The following PHKA2 variants were observed in gnomAD, a reference collection of about 807,000 sequenced individuals.
PHKA2 encodes the protein phosphorylase b kinase regulatory subunit alpha, liver isoform.
In PHKA2, 31 loss-of-function variants were observed where a neutral mutation model predicts 102.0. The observed-to-expected ratio is 0.30, with a 90% CI of 0.23 to 0.41. The LOEUF is 0.41. PHKA2 is among the 10% of genes least tolerant of loss of function. The pLI is 1.00. For missense variants in PHKA2, 858 were observed against 1,023.1 expected, an observed-to-expected ratio of 0.84 and a Z score of 2.20; for synonymous variants, 455 against 416.2, an observed-to-expected ratio of 1.09 and a Z score of -1.13.
At chrX:18,905,523 C>T (rs993394649) in intron 26 of PHKA2, among the ~76,000 whole-genome samples, 7 of 110,648 alleles carry the variant, frequency 6.3e-5, no homozygotes, top group African/African-American at 9.9e-5. Context: ...CTACAGGAGG[C>T]GGTATACCAC....
Position 18,938,763 on chromosome X carries a change from A to T in PHKA2, c.919-14T>A, listed in dbSNP as rs1262406571. 8.3e-7 allele frequency: 1 copy of T among 1,198,304 alleles called. No homozygotes were observed. The highest frequency in any genetic ancestry group is 1.8e-5 in the South Asian group (1 of 56,730). On this transcript the variant is annotated splice_polypyrimidine_tract_variant and intron_variant, in intron 9 of 32. Transcript: ENST00000379942. ...TCGATTAGGGTCCTAGAATCAAATA[A>T]GTCAAACTTTTAAAAGGTGATGTCA...
At chrX:18,973,996 G>A (rs763956072) in intron 1 of PHKA2, among the ~76,000 whole-genome samples, 2 of 110,553 alleles carry the variant, frequency 1.8e-5, no homozygotes, top group Non-Finnish European at 3.8e-5. Context: ...TTCATATTTC[G>A]CTGAGAAGGC....
intron 26 of PHKA2, among the ~76,000 whole-genome samples, chrX:18,903,966 A>G (rs1292792396): frequency 8.9e-6 from 1 of 111,818 alleles, no homozygotes; most frequent in South Asian, 3.7e-4. Flanking sequence ...GGCCACCTGC[A>G]CCGCACTGGG....
Position 18,929,982 on chromosome X carries a change from A to C in PHKA2, c.1246-676T>G, listed in dbSNP as rs182124028. Among the ~76,000 whole-genome samples the C allele has an allele frequency of 6.0e-3, 671 of 112,549 alleles. 5 individuals are homozygous for C. Among genetic ancestry groups the C allele is most frequent in the African/African-American group, 0.021 (638 of 31,006 alleles). ...CACACTCAGAAGGAAAGAGCGCTGCACAGAAAGGCCTCGCTGGGTTTCCCC... is the reference window on the plus strand; with the variant it reads ...CACACTCAGAAGGAAAGAGCGCTGCCCAGAAAGGCCTCGCTGGGTTTCCCC... On this transcript the variant is annotated intron_variant, in intron 12 of 32. Coordinates refer to ENST00000379942, the MANE Select transcript of PHKA2 (RefSeq NM_000292.3).
At position 18,894,188 on chromosome X, in the gene PHKA2, T is replaced by G. The variant is rs1332139717; in HGVS notation, c.3537+16A>C. On this transcript the variant is annotated intron_variant, in intron 32 of 32. Coordinates refer to ENST00000379942, the MANE Select transcript of PHKA2 (RefSeq NM_000292.3). Reference sequence around the variant, plus strand: ...AGAGATAAATGCCAGCCAACCCAGCTCCCTGGCACCCCCACCTGGTCCTGC... The same window carrying G: ...AGAGATAAATGCCAGCCAACCCAGCGCCCTGGCACCCCCACCTGGTCCTGC... The G allele has an allele frequency of 3.3e-6, 4 of 1,203,527 alleles. No homozygotes were observed. In the African/African-American group the frequency reaches 6.9e-5, roughly 21 times the overall value.
chrX:18,897,385 G>A (rs758838867), intron 29 of PHKA2, 52 bp from the exon 30 acceptor site: 4 of 1,141,712 alleles, frequency 3.5e-6, no homozygotes, highest in South Asian at 3.8e-5. Flanking sequence ...GGTGCCCCAG[G>A]GAAAGTGCGC....
At chrX:18,974,908 T>G (rs954916104) in intron 1 of PHKA2, among the ~76,000 whole-genome samples, 11 of 111,282 alleles carry the variant, frequency 9.9e-5, no homozygotes, top group African/African-American at 3.6e-4. Flanking sequence ...TCATCCCCCT[T>G]GGCAGTACCT....
intron 29 of PHKA2, among the ~76,000 whole-genome samples, chrX:18,898,659 G>T (rs2047619416): frequency 8.9e-6 from 1 of 112,290 alleles, no homozygotes. Flanking sequence ...GCCACTTAAG[G>T]CAACAATTAG....
At chrX:18,973,914 G>A (rs1422610198) in intron 1 of PHKA2, among the ~76,000 whole-genome samples, 1 of 111,067 alleles carries the variant, frequency 9.0e-6, no homozygotes, top group Non-Finnish European at 1.9e-5. Context: ...TCTCCTAAAG[G>A]ACTGTTTCGT....
In PHKA2 at chrX:18,917,321, C is replaced by T. The variant is rs893041257; in HGVS notation, c.2137+1360G>A. On this transcript the variant is annotated intron_variant, in intron 19 of 32. Transcript: ENST00000379942. ...TCACCCAGGCTGGAGTGTAGTGGCA[C>T]GATCTCAGCTCACTGCAACCTCTGC... Among the ~76,000 whole-genome samples the T allele has an allele frequency of 8.4e-5, 9 of 106,994 alleles. No individual in the cohort carries two copies. In the South Asian group the frequency reaches 2.1e-3, roughly 25 times the overall value. 92.9% of individuals were successfully genotyped at this position (106,994 alleles called of 115,157 possible).
intron 27 of PHKA2, 133 bp downstream of exon 27, chrX:18,901,352 C>A: frequency 1.8e-6 from 1 of 548,878 alleles, no homozygotes; most frequent in South Asian, 2.3e-5. Flanking sequence ...GTGTTCAGAT[C>A]CCAGACAGAA....
intron 25 of PHKA2, 49 bp from the exon 26 acceptor site, chrX:18,905,908 G>A (rs2047802388): frequency 1.1e-6 from 1 of 940,122 alleles, no homozygotes; most frequent in Admixed American, 2.2e-5. Context: ...CTGGTGGCGG[G>A]TAAAGGTAGG....
At chrX:18,906,304 T>G (rs966058133) in intron 25 of PHKA2, among the ~76,000 whole-genome samples, 191 bp downstream of exon 25, 3 of 112,444 alleles carry the variant, frequency 2.7e-5, no homozygotes, top group Non-Finnish European at 5.6e-5. Flanking sequence ...CCCTGACTTA[T>G]GAACTTCAGC....
intron 6 of PHKA2, among the ~76,000 whole-genome samples, chrX:18,944,268 G>T (rs914211768): frequency 9.0e-6 from 1 of 111,510 alleles, no homozygotes. Context: ...TGTGTGTGTG[G>T]GTGTGTGTGC....
chrX:18,961,164 CT>C (rs1347788126), intron 1 of PHKA2, among the ~76,000 whole-genome samples: 1 of 112,153 alleles, frequency 8.9e-6, no homozygotes, highest in Non-Finnish European at 1.9e-5. Context: ...CAAAGCCTAT[CT>C]TTTTTGTTTA....
chrX:18,962,651 T>TCAAA (rs779082679), intron 1 of PHKA2, among the ~76,000 whole-genome samples: 30 of 111,475 alleles, frequency 2.7e-4, no homozygotes, highest in African/African-American at 7.2e-4. Flanking sequence ...TATACCACAG[T>TCAAA]CAAACAAACA....
At chrX:18,974,675 G>A (rs2049061342) in intron 1 of PHKA2, among the ~76,000 whole-genome samples, 1 of 111,594 alleles carries the variant, frequency 9.0e-6, no homozygotes, top group African/African-American at 3.3e-5. Flanking sequence ...CCACCTTCTT[G>A]CTGTGAGCTC....
intron 17 of PHKA2, among the ~76,000 whole-genome samples, chrX:18,920,442 C>T (rs954802035): frequency 3.6e-5 from 4 of 112,346 alleles, no homozygotes; most frequent in Non-Finnish European, 7.5e-5. Context: ...CTTCTTACTC[C>T]CAACCCAACA....
chrX:18,927,301 C>G (rs1040309556), intron 13 of PHKA2, among the ~76,000 whole-genome samples: 1 of 112,350 alleles, frequency 8.9e-6, no homozygotes, highest in Non-Finnish European at 1.9e-5. Context: ...GAGGCCATCA[C>G]CGGGGACAAC....
Sources: allele counts gnomAD v4.1 joint callset (sites outside exome capture counted in the v4.1 genomes callset), GRCh38; gene constraint gnomAD v4.1.1; transcripts MANE v1.5; gene names NCBI Gene and HGNC (gene_info 2026-07-23, HGNC 2026-07-21).